REL: variants seen among roughly 807,000 people sequenced by gnomAD.
The protein encoded by REL is proto-oncogene c-Rel.
A neutral mutation model predicts 45.9 loss-of-function variants in REL; 15 were observed. The ratio of observed to expected loss-of-function variants is 0.33; its 90% confidence interval spans 0.22 to 0.50. The LOEUF (loss-of-function observed/expected upper bound fraction) is 0.50, where lower values mean the gene tolerates loss of function less well. Among genes scored for constraint, REL ranks in the 20% least tolerant of loss-of-function variants. The pLI is 0.98. For missense variants in REL, 601 were observed against 715.2 expected (o/e 0.84, Z 1.82); for synonymous variants, 239 against 242.1 (o/e 0.99, Z 0.12).
intron 4 of REL, among the ~76,000 whole-genome samples, chr2:60,915,265 A>G (rs1438845085): frequency 1.3e-5 from 2 of 152,192 alleles, no homozygotes; most frequent in Non-Finnish European, 2.9e-5. Context: ...TCTTTTTTGC[A>G]TATTGATTAC....
rs771915860 is a variant in REL at position 60,922,443 on chromosome 2, G to T, written c.1672G>T (p.Gly558Cys). 1 of 1,613,954 alleles carries T rather than the reference G, an allele frequency of 6.2e-7. No individual in the cohort carries two copies. Among genetic ancestry groups the T allele is most frequent in the Non-Finnish European group, 8.5e-7 (1 of 1,179,948 alleles). Residue 558 changes from glycine (G) to cysteine (C), a missense_variant, in exon 10 of 10, where the codon GGT (glycine) becomes TGT (cysteine). Coordinates refer to ENST00000394479, the MANE Select transcript of REL (RefSeq NM_001291746.2). ...PSNSTNPNSH[G>C]FVQDSQYSGI... ...AAACAGTACTAATCCAAACAGTCATGGTTTTGTTCAAGATAGTCAGTATTC... is the reference window on the plus strand; with the variant it reads ...AAACAGTACTAATCCAAACAGTCATTGTTTTGTTCAAGATAGTCAGTATTC...
intron 1 of REL, among the ~76,000 whole-genome samples, chr2:60,883,607 T>C (rs556668503): frequency 1.1e-4 from 17 of 152,320 alleles, no homozygotes; most frequent in African/African-American, 4.1e-4. Context: ...TTAATCAAAC[T>C]TTATTGATAT....
Position 60,918,127 on chromosome 2 carries a change from T to G in REL, c.536-64T>G, listed in dbSNP as rs996318925. ...GAATGCTTTTCCTCAAATTCTTCCC[T>G]GCAAAAAGAAATAAAATATTACTAA... On this transcript the variant is annotated intron_variant, in intron 5 of 9. Coordinates refer to ENST00000394479, the MANE Select transcript of REL (RefSeq NM_001291746.2). 2.9e-5 allele frequency: 28 copies of G among 981,494 alleles called. No individual in the cohort carries two copies. In the African/African-American group the frequency reaches 4.6e-4, roughly 16 times the overall value. The allele number at this position is 981,494 out of a possible 1,614,324, so 60.8% of individuals were successfully genotyped here.
chr2:60,914,086 G>T (rs1673891684), intron 4 of REL, among the ~76,000 whole-genome samples: 1 of 152,306 alleles, frequency 6.6e-6, no homozygotes, highest in South Asian at 2.1e-4. Flanking sequence ...GATAGAAGAG[G>T]CATACATAAA....
In REL at chr2:60,925,095, G is replaced by A. The variant is rs1674237673; in HGVS notation, c.*2560G>A. On this transcript the variant is annotated 3_prime_UTR_variant, in exon 10 of 10. Coordinates refer to ENST00000394479, the MANE Select transcript of REL (RefSeq NM_001291746.2). ...TTATATTTTATTATTACAGATTAAA[G>A]TTGGGCAGTAATCTTAATTATGATG... 1 of 198,232 alleles carries A rather than the reference G, an allele frequency of 5.0e-6. No homozygotes were observed. Among genetic ancestry groups the A allele is most frequent in the South Asian group, 1.9e-4 (1 of 5,250 alleles). 12.3% of individuals were successfully genotyped at this position (198,232 alleles called of 1,614,324 possible). A position where few individuals can be genotyped will look rare whatever the true frequency, so the allele number is the denominator to read the frequency against.
intron 3 of REL, among the ~76,000 whole-genome samples, chr2:60,896,341 A>G (rs1673346863): frequency 6.6e-6 from 1 of 152,294 alleles, no homozygotes; most frequent in South Asian, 2.1e-4. Flanking sequence ...TATGTAAAGA[A>G]TAATTTTATT....
At chr2:60,899,824 TA>T (rs758068921) in intron 3 of REL, 1 of 152,396 alleles carries the variant, frequency 6.6e-6, no homozygotes, top group African/African-American at 2.4e-5. Context: ...GTAGTATTTG[TA>T]GCTATTGGGA....
Position 60,922,712 on chromosome 2 carries a change from T to G in REL, c.*177T>G. The G allele has an allele frequency of 8.1e-7, 1 of 1,242,164 alleles. No individual in the cohort carries two copies. Among genetic ancestry groups the G allele is most frequent in the Non-Finnish European group, 1.0e-6 (1 of 992,238 alleles). The allele number at this position is 1,242,164 out of a possible 1,614,324, so 76.9% of individuals were successfully genotyped here. On this transcript the variant is annotated 3_prime_UTR_variant, in exon 10 of 10. Coordinates refer to ENST00000394479, the MANE Select transcript of REL (RefSeq NM_001291746.2). Reference sequence around the variant, plus strand: ...TTTTCAGGGAAGAAGCATACAACTTTGGACATAGCGAATACAAAATTGGAA... The same window carrying G: ...TTTTCAGGGAAGAAGCATACAACTTGGGACATAGCGAATACAAAATTGGAA...
At chr2:60,899,297 G>C (rs903408019) in intron 3 of REL, 5 of 152,150 alleles carry the variant, frequency 3.3e-5, no homozygotes, top group Admixed American at 2.6e-4. Flanking sequence ...ACCAGCCTGG[G>C]CAACCTGGTG....
intron 7 of REL, 78 bp downstream of exon 7, chr2:60,918,684 T>A (rs1674050742): frequency 1.0e-6 from 1 of 988,216 alleles, no homozygotes; most frequent in Non-Finnish European, 1.6e-6. Flanking sequence ...AATATTCATT[T>A]GAGTACAGTT....
At chr2:60,913,685 A>G (rs565931390) in intron 4 of REL, among the ~76,000 whole-genome samples, 132 of 152,326 alleles carry the variant, frequency 8.7e-4, no homozygotes, top group Middle Eastern at 3.4e-3. Context: ...CTATATTCAG[A>G]TAAAAGTGGC....
chr2:60,893,351 AT>A (rs1356487207), intron 2 of REL, among the ~76,000 whole-genome samples: 1 of 152,204 alleles, frequency 6.6e-6, no homozygotes, highest in Admixed American at 6.5e-5. Context: ...TTTTTATCAC[AT>A]TTTTGGCAGT....
chr2:60,891,928 G>T, intron 2 of REL, 103 bp downstream of exon 2: 15 of 1,144,050 alleles, frequency 1.3e-5, no homozygotes, highest in South Asian at 8.4e-5. Context: ...ATCTCCACAG[G>T]TTTATCTTTT....
At chr2:60,913,359 T>C (rs1437202393) in intron 4 of REL, among the ~76,000 whole-genome samples, 1 of 152,080 alleles carries the variant, frequency 6.6e-6, no homozygotes, top group African/African-American at 2.4e-5. Context: ...GAGTAAAGAT[T>C]TTAGGCCTAC....
chr2:60,901,150 C>CTTTT (rs10565258), intron 4 of REL, 67 bp downstream of exon 4: 10 of 915,900 alleles, frequency 1.1e-5, no homozygotes, highest in Admixed American at 2.0e-4. Flanking sequence ...TTTTCTTTCT[C>CTTTT]TTTTTTTTTT....
In REL at chr2:60,923,308, A is replaced by G. The variant is rs764633656; in HGVS notation, c.*773A>G. The G allele has an allele frequency of 1.8e-5, 4 of 223,224 alleles. No homozygotes were observed. The highest frequency in any genetic ancestry group is 6.4e-5 in the East Asian group (1 of 15,564). The allele number at this position is 223,224 out of a possible 1,614,324, so 13.8% of individuals were successfully genotyped here. ...GGCAGTTGAAGTGAGCTTTCAAGGTATGGGAGGTTTTCTACATTTTATACT... is the reference window on the plus strand; with the variant it reads ...GGCAGTTGAAGTGAGCTTTCAAGGTGTGGGAGGTTTTCTACATTTTATACT... On this transcript the variant is annotated 3_prime_UTR_variant, in exon 10 of 10. Coordinates refer to ENST00000394479, the MANE Select transcript of REL (RefSeq NM_001291746.2).
At chr2:60,916,560 T>C (rs553463050) in intron 4 of REL, among the ~76,000 whole-genome samples, 1 of 152,386 alleles carries the variant, frequency 6.6e-6, no homozygotes, top group East Asian at 1.9e-4. Context: ...AATGCCATTC[T>C]TTGTTGTGTA....
chr2:60,926,402 G>A lies in REL; in HGVS notation c.*3867G>A. The A allele has an allele frequency of 4.3e-6, 1 of 232,192 alleles. No homozygotes were observed. The highest frequency in any genetic ancestry group is 5.6e-5 in the Admixed American group (1 of 17,742). The allele number at this position is 232,192 out of a possible 1,614,324, so 14.4% of individuals were successfully genotyped here. A position where few individuals can be genotyped will look rare whatever the true frequency, so the allele number is the denominator to read the frequency against. On this transcript the variant is annotated 3_prime_UTR_variant, in exon 10 of 10. Coordinates refer to ENST00000394479, the MANE Select transcript of REL (RefSeq NM_001291746.2). The stretch of plus-strand genomic sequence containing the variant: ...TAGGATATTCTGGGAAAGATGAGCG[G>A]AGACTGCCCGCCTTGTCAAATCTAG...
chr2:60,915,952 G>C (rs2103976350), intron 4 of REL, among the ~76,000 whole-genome samples: 1 of 152,202 alleles, frequency 6.6e-6, no homozygotes, highest in African/African-American at 2.4e-5. Flanking sequence ...TTAAAATGTT[G>C]ATCCACATTT....
Sources: gnomAD v4.1 joint callset for allele counts (sites outside exome capture counted in the v4.1 genomes callset) on GRCh38, gnomAD v4.1.1 for gene constraint, MANE v1.5 for transcripts, NCBI Gene and HGNC (gene_info 2026-07-23, HGNC 2026-07-21) for gene names.